The following FOCAD variants were observed in gnomAD, a reference collection of about 807,000 sequenced individuals.
FOCAD encodes focadhesin, also known as KIAA1797.
FOCAD carries 198 observed loss-of-function variants against 225.6 expected under a neutral mutation model. The ratio of observed to expected loss-of-function variants is 0.88; its 90% confidence interval spans 0.78 to 0.99. FOCAD has a LOEUF of 0.99. FOCAD is among the 50% of genes least tolerant of loss of function. FOCAD has a pLI of 0.00. For synonymous variants in FOCAD, 897 were observed against 755.0 expected (o/e 1.19, Z -3.08); for missense variants, 2,713 against 2,123.6 (o/e 1.28, Z -5.46).
intron 21 of FOCAD, among the ~76,000 whole-genome samples, chr9:20,901,443 C>G (rs1019459439): frequency 4.0e-5 from 6 of 151,834 alleles, no homozygotes; most frequent in Admixed American, 1.3e-4. Flanking sequence ...GTTCGACAAT[C>G]AAAGAATGCC....
intron 2 of FOCAD, among the ~76,000 whole-genome samples, chr9:20,667,747 T>A (rs1471523408): frequency 1.3e-5 from 2 of 152,176 alleles, no homozygotes; most frequent in Non-Finnish European, 2.9e-5. Flanking sequence ...GTGGTGAGAT[T>A]ATGCGTGGAA....
intron 5 of FOCAD, among the ~76,000 whole-genome samples, chr9:20,749,170 C>T (rs1828324228): frequency 6.6e-6 from 1 of 152,014 alleles, no homozygotes; most frequent in Non-Finnish European, 1.5e-5. Context: ...GCATTAAAAC[C>T]CTGGCTCTCT....
At chr9:20,843,477 T>C (rs371702957) in intron 15 of FOCAD, among the ~76,000 whole-genome samples, 2 of 152,254 alleles carry the variant, frequency 1.3e-5, no homozygotes, top group South Asian at 2.1e-4. Context: ...GCTAGACTTA[T>C]TGGAACGATT....
chr9:20,820,944 C>T lies in FOCAD; in HGVS notation c.1666C>T (p.Arg556Ter), dbSNP rs773097610. The T allele has an allele frequency of 2.2e-5, 36 of 1,608,134 alleles. No homozygotes were observed. The Admixed American group carries it at 3.0e-4, about 14-fold the overall frequency. Residue 556 changes from arginine (R) to a stop codon, truncating the protein, a stop_gained, in exon 14 of 44, where the codon CGA becomes TGA. Coordinates refer to ENST00000338382, the MANE Select transcript of FOCAD (RefSeq NM_001375567.1). LOFTEE classifies it high-confidence loss of function. ...LLTSLWEKQDRVYPELQRFMA... is the reference protein window; with the variant it reads ...LLTSLWEKQD ...TTTTGTAAAATTGCCTTCGTAGGAC[C>T]GAGTCTATCCTGAACTGCAGCGTTT...
At chr9:20,942,582 C>T (rs1461887373) in intron 28 of FOCAD, among the ~76,000 whole-genome samples, 2 of 152,142 alleles carry the variant, frequency 1.3e-5, no homozygotes, top group Admixed American at 6.5e-5. Context: ...AAGAATCAAG[C>T]CTTGCTTTTT....
At chr9:20,671,150 A>G (rs539070865) in intron 2 of FOCAD, among the ~76,000 whole-genome samples, 22 of 152,268 alleles carry the variant, frequency 1.4e-4, no homozygotes, top group Admixed American at 1.0e-3. Flanking sequence ...TGTGTCATGG[A>G]TACATACAAC....
intron 8 of FOCAD, among the ~76,000 whole-genome samples, chr9:20,778,056 C>G (rs139356082): frequency 2.1e-4 from 29 of 138,646 alleles, no homozygotes; most frequent in African/African-American, 7.3e-4. Context: ...TGCCACAGCA[C>G]TCCCGCCTGG....
At chr9:20,709,805 C>T (rs1824684133) in intron 1 of FOCAD, among the ~76,000 whole-genome samples, 1 of 152,186 alleles carries the variant, frequency 6.6e-6, no homozygotes, top group Non-Finnish European at 1.5e-5. Context: ...ATTTAAAAAA[C>T]ATATTCATTC....
chr9:20,749,485 T>C (rs183140993), intron 5 of FOCAD, among the ~76,000 whole-genome samples: 44 of 152,310 alleles, frequency 2.9e-4, no homozygotes, highest in Admixed American at 9.2e-4. Context: ...GGAATCTTCA[T>C]AATTTTTCGT....
At chr9:20,699,783 T>TAC (rs1823767993) in intron 1 of FOCAD, among the ~76,000 whole-genome samples, 1 of 78,806 alleles carries the variant, frequency 1.3e-5, no homozygotes, top group African/African-American at 6.1e-5. Flanking sequence ...AATATATATA[T>TAC]ATATATATAT....
At chr9:20,722,656 G>A (rs780839167) in intron 4 of FOCAD, among the ~76,000 whole-genome samples, 65 of 152,106 alleles carry the variant, frequency 4.3e-4, no homozygotes, top group Non-Finnish European at 7.8e-4. Context: ...TCACATACAC[G>A]CATATAAACA....
intron 35 of FOCAD, among the ~76,000 whole-genome samples, chr9:20,958,050 C>G (rs1838363034): frequency 6.6e-6 from 1 of 152,158 alleles, no homozygotes; most frequent in Admixed American, 6.5e-5. Context: ...TCATATCCCA[C>G]TTCCACTACT....
intron 21 of FOCAD, among the ~76,000 whole-genome samples, chr9:20,899,295 C>A (rs4977794): frequency 0.64 from 96,088 of 151,070 alleles, 30,914 homozygotes; most frequent in African/African-American, 0.73. Flanking sequence ...CCTCCCTATG[C>A]CTGGGTACAC....
intron 15 of FOCAD, among the ~76,000 whole-genome samples, chr9:20,860,919 A>C (rs937898316): frequency 2.0e-5 from 3 of 152,170 alleles, no homozygotes; most frequent in African/African-American, 7.2e-5. Flanking sequence ...TTGATATTCT[A>C]AGTATGCTGT....
intron 2 of FOCAD, among the ~76,000 whole-genome samples, chr9:20,674,478 C>A (rs1200490042): frequency 1.3e-5 from 2 of 152,018 alleles, no homozygotes; most frequent in Non-Finnish European, 2.9e-5. Flanking sequence ...GACAATTAGG[C>A]CTGGATATTA....
chr9:20,761,232 T>G (rs936217713), intron 6 of FOCAD, among the ~76,000 whole-genome samples: 1 of 152,170 alleles, frequency 6.6e-6, no homozygotes, highest in Admixed American at 6.5e-5. Context: ...GACTTTAACC[T>G]TTCAGGAACT....
chr9:20,903,281 A>G (rs1358374938), intron 21 of FOCAD, among the ~76,000 whole-genome samples: 1 of 151,884 alleles, frequency 6.6e-6, no homozygotes, highest in Admixed American at 6.6e-5. Flanking sequence ...TTTATATTGA[A>G]TTTGGGGTAG....
intron 28 of FOCAD, among the ~76,000 whole-genome samples, chr9:20,940,203 CTT>C (rs1283532795): frequency 6.6e-6 from 1 of 151,792 alleles, no homozygotes; most frequent in Non-Finnish European, 1.5e-5. Flanking sequence ...CCTCTCCAAA[CTT>C]TTAGTTCTAC....
intron 15 of FOCAD, among the ~76,000 whole-genome samples, chr9:20,833,311 T>C (rs1825695447): frequency 6.6e-6 from 1 of 152,116 alleles, no homozygotes; most frequent in South Asian, 2.1e-4. Context: ...AATGGTTTAA[T>C]GTTTATTATA....
Sources: allele counts gnomAD v4.1 joint callset (sites outside exome capture counted in the v4.1 genomes callset), GRCh38; gene constraint gnomAD v4.1.1; transcripts MANE v1.5; gene names NCBI Gene and HGNC (gene_info 2026-07-23, HGNC 2026-07-21).